Variants in PRKG1 observed in about 807,000 individuals in gnomAD.
PRKG1 encodes protein kinase cGMP-dependent 1.
A neutral mutation model predicts 88.1 loss-of-function variants in PRKG1; 35 were observed. That is an observed-to-expected ratio of 0.40 (90% CI 0.30 to 0.53). The LOEUF is 0.53. PRKG1 is among the 20% of genes least tolerant of loss of function. PRKG1 has a pLI of 0.59. For synonymous variants in PRKG1, 303 were observed against 292.5 expected (o/e 1.04, Z -0.37); for missense variants, 540 against 839.8 (o/e 0.64, Z 4.41).
intron 11 of PRKG1, 139 bp from the exon 12 acceptor site, chr10:52,272,253 T>C (rs944646881): frequency 1.8e-6 from 1 of 547,598 alleles, no homozygotes; most frequent in Non-Finnish European, 3.1e-6. Context: ...CTTTTCCCCA[T>C]GTGTGGGCTT....
intron 5 of PRKG1, among the ~76,000 whole-genome samples, chr10:52,030,810 G>A (rs1395554333): frequency 1.3e-5 from 2 of 152,054 alleles, no homozygotes; most frequent in African/African-American, 2.4e-5. Flanking sequence ...AAATTAAAAT[G>A]AGCATAAATG....
intron 5 of PRKG1, among the ~76,000 whole-genome samples, chr10:51,927,174 T>C (rs1300657658): frequency 6.6e-6 from 1 of 152,162 alleles, no homozygotes; most frequent in Non-Finnish European, 1.5e-5. Context: ...AATTCCCACA[T>C]ACTGTGGGAG....
chr10:51,065,402 C>T lies in PRKG1; in HGVS notation c.266+73758C>T, dbSNP rs1843737560. On this transcript the variant is annotated intron_variant, in intron 1 of 17. Coordinates refer to the PRKG1 transcript ENST00000401604. ...GTTGGATATCAAGACACATTATTTC[C>T]TAGAAAAAAAAATCAGAGTGACAGG... is the stretch of plus-strand genomic sequence containing the variant. Among the ~76,000 whole-genome samples, 6 of 151,678 alleles carry T rather than the reference C, an allele frequency of 4.0e-5. No homozygotes were observed. In the South Asian group the frequency reaches 1.2e-3, roughly 31 times the overall value.
chr10:51,514,099 G>A (rs1841504176), intron 3 of PRKG1, among the ~76,000 whole-genome samples: 2 of 143,914 alleles, frequency 1.4e-5, no homozygotes, highest in Non-Finnish European at 1.5e-5. Context: ...TAGACCGCTA[G>A]CAAGACTAAT....
At chr10:51,252,645 T>C (rs1839457363) in intron 2 of PRKG1, among the ~76,000 whole-genome samples, 1 of 151,812 alleles carries the variant, frequency 6.6e-6, no homozygotes, top group Non-Finnish European at 1.5e-5. Context: ...ACACTTCTTA[T>C]AGTAGTGTAG....
chr10:51,231,407 C>T (rs1433594502), intron 2 of PRKG1, among the ~76,000 whole-genome samples: 1 of 152,076 alleles, frequency 6.6e-6, no homozygotes, highest in African/African-American at 2.4e-5. Context: ...GAGTGAGCAG[C>T]CAAATTGTGC....
At chr10:51,505,900 G>A (rs529169809) in intron 3 of PRKG1, among the ~76,000 whole-genome samples, 21 of 151,712 alleles carry the variant, frequency 1.4e-4, no homozygotes, top group Non-Finnish European at 1.9e-4. Context: ...TATCAATTTT[G>A]TTGATCTTTT....
chr10:51,953,173 A>T (rs1160344559), intron 5 of PRKG1, among the ~76,000 whole-genome samples: 1 of 152,200 alleles, frequency 6.6e-6, no homozygotes, highest in African/African-American at 2.4e-5. Flanking sequence ...AAAGGCAGGG[A>T]TGTCACCAAT....
At chr10:51,727,821 T>C (rs976009238) in intron 3 of PRKG1, among the ~76,000 whole-genome samples, 4 of 152,184 alleles carry the variant, frequency 2.6e-5, no homozygotes, top group African/African-American at 9.7e-5. Flanking sequence ...TTTTAATATA[T>C]TGAAGTCTAA....
At chr10:51,308,543 T>C (rs1841097450) in intron 2 of PRKG1, among the ~76,000 whole-genome samples, 1 of 152,174 alleles carries the variant, frequency 6.6e-6, no homozygotes, top group Non-Finnish European at 1.5e-5. Context: ...AGAGGTTTGT[T>C]GCCTTTTTCC....
At position 51,370,183 on chromosome 10, in the gene PRKG1, T is replaced by C. The variant is rs1031493532; in HGVS notation, c.479-97540T>C. ...TGTGATTTTGTGAGCCAGAGCTCCC[T>C]GCTTGAATGCTCTTTCCGGAGGGGT... On this transcript the variant is annotated intron_variant, in intron 2 of 17. Coordinates refer to ENST00000373980, the MANE Select transcript of PRKG1 (RefSeq NM_006258.4). Among the ~76,000 whole-genome samples the C allele has an allele frequency of 3.3e-5, 5 of 152,176 alleles. No homozygotes were observed. The South Asian group carries it at 6.2e-4, about 19-fold the overall frequency.
intron 2 of PRKG1, among the ~76,000 whole-genome samples, chr10:51,325,707 G>T (rs865961875): frequency 6.6e-6 from 1 of 152,100 alleles, no homozygotes; most frequent in Non-Finnish European, 1.5e-5. Flanking sequence ...GTCCTATAAC[G>T]TTTCTCCAAT....
At chr10:51,811,084 CAG>C (rs1317940405) in intron 4 of PRKG1, among the ~76,000 whole-genome samples, 1 of 152,108 alleles carries the variant, frequency 6.6e-6, no homozygotes, top group East Asian at 1.9e-4. Context: ...CAGTAAAAAA[CAG>C]AGCTTAGACT....
intron 3 of PRKG1, among the ~76,000 whole-genome samples, chr10:51,647,703 G>C (rs1839947861): frequency 6.6e-6 from 1 of 151,904 alleles, no homozygotes; most frequent in Non-Finnish European, 1.5e-5. Flanking sequence ...AAGTCACTTG[G>C]TCTTTATAAA....
chr10:51,836,476 G>T (rs538074324), intron 4 of PRKG1, among the ~76,000 whole-genome samples: 1 of 152,190 alleles, frequency 6.6e-6, no homozygotes, highest in Non-Finnish European at 1.5e-5. Flanking sequence ...TCATATCCAA[G>T]AAATCTCTAC....
At chr10:51,687,802 T>A (rs1298560155) in intron 3 of PRKG1, among the ~76,000 whole-genome samples, 1 of 152,142 alleles carries the variant, frequency 6.6e-6, no homozygotes, top group Non-Finnish European at 1.5e-5. Context: ...CTTCTCCATA[T>A]CTAAGGAAAA....
At chr10:51,226,930 G>A (rs1304768094) in intron 2 of PRKG1, among the ~76,000 whole-genome samples, 2 of 152,054 alleles carry the variant, frequency 1.3e-5, no homozygotes, top group African/African-American at 4.8e-5. Context: ...GTGAATAGGT[G>A]TCCCAGCAAC....
chr10:51,680,364 G>A (rs113759012), intron 3 of PRKG1, among the ~76,000 whole-genome samples: 8 of 151,546 alleles, frequency 5.3e-5, no homozygotes, highest in Non-Finnish European at 7.4e-5. Context: ...GCCCACTCCC[G>A]CCCTGTGGGG....
chr10:51,844,680 G>A (rs562197828), intron 4 of PRKG1, among the ~76,000 whole-genome samples: 2 of 152,150 alleles, frequency 1.3e-5, no homozygotes, highest in African/African-American at 4.8e-5. Flanking sequence ...AATAATGAAA[G>A]AGCATCAAAC....
Sources: gnomAD v4.1 joint callset for allele counts (sites outside exome capture counted in the v4.1 genomes callset) on GRCh38, gnomAD v4.1.1 for gene constraint, MANE v1.5 for transcripts, NCBI Gene and HGNC (gene_info 2026-07-23, HGNC 2026-07-21) for gene names.